Variants in PXK observed in about 807,000 individuals in gnomAD.
PXK encodes PX domain containing serine/threonine kinase like, also known as PX domain-containing protein kinase-like protein.
In PXK, 35 loss-of-function variants were observed where a neutral mutation model predicts 84.7. The observed-to-expected ratio is 0.41, with a 90% CI of 0.32 to 0.55. The LOEUF (loss-of-function observed/expected upper bound fraction) is 0.55. Ranked by LOEUF, PXK falls within the 20% of genes least tolerant of loss-of-function variation. The pLI, the probability that PXK is intolerant of heterozygous loss-of-function variation, is 0.21. For synonymous variants in PXK, 253 were observed against 260.8 expected (o/e 0.97, Z 0.29); for missense variants, 634 against 699.7 (o/e 0.91, Z 1.06).
At position 58,400,346 on chromosome 3, in the gene PXK, A is replaced by G. The variant is rs539016325; in HGVS notation, c.1181+969A>G. 2.2e-4 allele frequency among the ~76,000 whole-genome samples: 34 copies of G among 152,334 alleles called. No individual in the cohort carries two copies. The East Asian group carries it at 5.8e-3, about 26-fold the overall frequency. On this transcript the variant is annotated intron_variant, in intron 12 of 17. Transcript: ENST00000356151. This position sits in a 1 kb window ranked among gnomAD's most constrained non-coding sequence, Gnocchi z 4.0. ...TGCTTTGTCTGCACCAGCGTATTAT[A>G]TAACAGATATACTCTGAAAACAATA...
At chr3:58,337,447 A>G (rs35621601) in intron 1 of PXK, among the ~76,000 whole-genome samples, 12,165 of 152,120 alleles carry the variant, frequency 0.08, 584 homozygotes, top group South Asian at 0.1. Flanking sequence ...TCCTGCATCC[A>G]TGGAGCTTTT....
rs2098621988 is a variant in PXK, at chr3:58,390,784, A to C, written c.466+125A>C. 1 of 846,034 alleles carries C rather than the reference A, an allele frequency of 1.2e-6. No homozygotes were observed. The allele number at this position is 846,034 out of a possible 1,614,324, so 52.4% of individuals were successfully genotyped here. ...AGGTGACTTCTTTTTCTTTTTGCAT[A>C]TCAACTGCTTGAGGATACAGCTGGT... On this transcript the variant is annotated intron_variant, in intron 5 of 17. Coordinates refer to ENST00000356151, the MANE Select transcript of PXK (RefSeq NM_017771.5). The surrounding 1 kb of genome is among the most constrained non-coding windows in gnomAD (Gnocchi z 4.2).
intron 1 of PXK, among the ~76,000 whole-genome samples, chr3:58,359,488 G>A (rs1432916297): frequency 1.4e-5 from 2 of 148,070 alleles, no homozygotes; most frequent in East Asian, 2.0e-4. Flanking sequence ...CCGAGATCGC[G>A]CCACTGCACT....
Position 58,397,309 on chromosome 3 carries a change from C to T in PXK, c.984+109C>T. The T allele has an allele frequency of 7.6e-7, 1 of 1,315,968 alleles. No individual in the cohort carries two copies. 81.5% of individuals were successfully genotyped at this position (1,315,968 alleles called of 1,614,324 possible). A position where few individuals can be genotyped will look rare whatever the true frequency, so the allele number is the denominator to read the frequency against. ...CAAGTAGTGAAAGGTATAGTTGGGA[C>T]AGGCCTTGCCCGTCAGCCCTTGCAG... On this transcript the variant is annotated intron_variant, in intron 10 of 17. Coordinates refer to ENST00000356151, the MANE Select transcript of PXK (RefSeq NM_017771.5). The surrounding 1 kb of genome is among the most constrained non-coding windows in gnomAD (Gnocchi z 4.7).
chr3:58,355,175 T>G (rs1287627113), intron 1 of PXK, among the ~76,000 whole-genome samples: 7 of 151,420 alleles, frequency 4.6e-5, no homozygotes, highest in Non-Finnish European at 1.0e-4. Context: ...CTAATGCCTG[T>G]GCCCAGGCCA....
intron 3 of PXK, among the ~76,000 whole-genome samples, chr3:58,373,829 A>G (rs2098410782): frequency 6.6e-6 from 1 of 151,936 alleles, no homozygotes; most frequent in Non-Finnish European, 1.5e-5. Flanking sequence ...GTGGATCACG[A>G]GGTCAGGAGA....
Position 58,421,277 on chromosome 3 carries a change from G to A in PXK, c.1529-3475G>A, listed in dbSNP as rs1379931307. The stretch of plus-strand genomic sequence containing the variant: ...TACCCACTGCTGGCTGCTAACATGG[G>A]CCTAAGAGTCGGTGGGGAAGGGAGC... On this transcript the variant is annotated intron_variant, in intron 17 of 17. Coordinates refer to ENST00000356151, the MANE Select transcript of PXK (RefSeq NM_017771.5). This position sits in a 1 kb window ranked among gnomAD's most constrained non-coding sequence, Gnocchi z 5.5. 1 of 985,220 alleles carries A rather than the reference G, an allele frequency of 1.0e-6. No homozygotes were observed. Among genetic ancestry groups the A allele is most frequent in the African/African-American group, 1.7e-5 (1 of 57,206 alleles). 61.0% of individuals were successfully genotyped at this position (985,220 alleles called of 1,614,324 possible).
chr3:58,409,474 A>G lies in PXK; in HGVS notation c.1309-58A>G. 1 of 1,484,570 alleles carries G rather than the reference A, an allele frequency of 6.7e-7. No homozygotes were observed. Among genetic ancestry groups the G allele is most frequent in the Non-Finnish European group, 9.3e-7 (1 of 1,077,732 alleles). 92.0% of individuals were successfully genotyped at this position (1,484,570 alleles called of 1,614,324 possible). On this transcript the variant is annotated intron_variant, in intron 14 of 17. Transcript: ENST00000356151. This position sits in a 1 kb window ranked among gnomAD's most constrained non-coding sequence, Gnocchi z 4.2. ...GGTTTGCCAAAACATGTTGGAGAAGATTTTCATTAGGAAGCTGCCTTATGT... is the reference window on the plus strand; with the variant it reads ...GGTTTGCCAAAACATGTTGGAGAAGGTTTTCATTAGGAAGCTGCCTTATGT...
At chr3:58,403,511 A>G (rs1254026847) in intron 12 of PXK, among the ~76,000 whole-genome samples, 1 of 152,238 alleles carries the variant, frequency 6.6e-6, no homozygotes, top group Non-Finnish European at 1.5e-5. Context: ...GCAGAAAACT[A>G]TTCTATTTAG....
At chr3:58,343,307 A>G (rs769849903) in intron 1 of PXK, among the ~76,000 whole-genome samples, 17 of 152,210 alleles carry the variant, frequency 1.1e-4, no homozygotes, top group Non-Finnish European at 1.6e-4. Context: ...GTCTGCTCAC[A>G]CCAGACCTCT....
chr3:58,334,928 G>GGTGT (rs143395201), intron 1 of PXK, among the ~76,000 whole-genome samples: 107 of 130,524 alleles, frequency 8.2e-4, no homozygotes, highest in Middle Eastern at 3.9e-3. Context: ...TTATTGTAAG[G>GGTGT]GTGTGTGTGT....
chr3:58,423,618 G>A (rs1301183330), intron 17 of PXK: 1 of 1,468,828 alleles, frequency 6.8e-7, no homozygotes, highest in Admixed American at 2.1e-5. Flanking sequence ...AAGTAGGGTA[G>A]CTTTACCTGT....
intron 17 of PXK, among the ~76,000 whole-genome samples, chr3:58,420,155 A>G (rs1436005420): frequency 6.6e-6 from 1 of 152,218 alleles, no homozygotes; most frequent in Non-Finnish European, 1.5e-5. Flanking sequence ...AGAACTAAGC[A>G]CACTCCTCAT....
At chr3:58,395,865 T>G in intron 9 of PXK, 106 bp downstream of exon 9, 3 of 903,620 alleles carry the variant, frequency 3.3e-6, no homozygotes, top group Non-Finnish European at 5.1e-6. Context: ...GTTGTCTGAT[T>G]ACTTATAAAC....
At chr3:58,355,969 C>T (rs776158170) in intron 1 of PXK, among the ~76,000 whole-genome samples, 27 of 151,184 alleles carry the variant, frequency 1.8e-4, no homozygotes, top group Non-Finnish European at 1.9e-4. Flanking sequence ...CATTCGATCT[C>T]GCTGAGCTGA....
At chr3:58,404,443 A>G (rs762203554) in intron 13 of PXK, among the ~76,000 whole-genome samples, 7 of 152,296 alleles carry the variant, frequency 4.6e-5, no homozygotes, top group South Asian at 2.1e-4. Context: ...CTAGATGCCA[A>G]CGATACTCCT....
At position 58,425,032 on chromosome 3, in the gene PXK, C is replaced by A. The variant is rs567812812; in HGVS notation, c.*72C>A. ...TCACCCCTACCCCCCAAACTACCCT[C>A]TTCCTGGGAAAGTAATTGCTGAGCC... is the stretch of plus-strand genomic sequence containing the variant. On this transcript the variant is annotated 3_prime_UTR_variant, in exon 18 of 18. Transcript: ENST00000356151. The A allele has an allele frequency of 3.1e-4, 484 of 1,559,262 alleles. No individual in the cohort carries two copies. The highest frequency in any genetic ancestry group is 4.0e-4 in the Non-Finnish European group (455 of 1,151,076).
At chr3:58,405,383 T>A (rs1484894054) in intron 13 of PXK, among the ~76,000 whole-genome samples, 1 of 152,054 alleles carries the variant, frequency 6.6e-6, no homozygotes, top group African/African-American at 2.4e-5. Context: ...AAAAAGCTAA[T>A]AAATTAAGAA....
At chr3:58,396,862 C>T (rs1318387482) in intron 9 of PXK, among the ~76,000 whole-genome samples, 177 bp from the exon 10 acceptor site, 2 of 152,242 alleles carry the variant, frequency 1.3e-5, no homozygotes, top group Non-Finnish European at 2.9e-5. Flanking sequence ...AACTGGAAAG[C>T]ATTCAGCTTC....
Sources: gnomAD v4.1 joint callset for allele counts (sites outside exome capture counted in the v4.1 genomes callset) on GRCh38, gnomAD v4.1.1 for gene constraint, Gnocchi (gnomAD v3.1) non-coding constraint, MANE v1.5 for transcripts, NCBI Gene and HGNC (gene_info 2026-07-23, HGNC 2026-07-21) for gene names.